Variants in SLC23A2 observed in about 807,000 individuals in gnomAD.
SLC23A2 encodes Na(+)/L-ascorbic acid transporter 2.
In SLC23A2, 36 loss-of-function variants were observed where a neutral mutation model predicts 73.3. That is an observed-to-expected ratio of 0.49 (90% CI 0.38 to 0.65). The LOEUF (loss-of-function observed/expected upper bound fraction) is 0.65, where lower values mean the gene tolerates loss of function less well. SLC23A2 is among the 30% of genes least tolerant of loss of function. The probability of loss-of-function intolerance (pLI) is 0.00; values close to 1 mark genes in which losing one functional copy is unlikely to be tolerated. For synonymous variants in SLC23A2, 343 were observed against 327.3 expected (o/e 1.05, Z -0.52); for missense variants, 507 against 841.6 (o/e 0.60, Z 4.92).
chr20:4,937,454 A>C (rs1371146706), intron 2 of SLC23A2, among the ~76,000 whole-genome samples: 1 of 152,208 alleles, frequency 6.6e-6, no homozygotes, highest in Non-Finnish European at 1.5e-5. Flanking sequence ...CATGATGGCG[A>C]CAATGGCAGT....
At chr20:4,893,166 C>T (rs918066389) in intron 6 of SLC23A2, among the ~76,000 whole-genome samples, 12 of 151,680 alleles carry the variant, frequency 7.9e-5, no homozygotes, top group Admixed American at 2.0e-4. Flanking sequence ...TGGGCTCAAG[C>T]GACCCTCCCA....
intron 2 of SLC23A2, among the ~76,000 whole-genome samples, chr20:4,935,623 C>T (rs1222883878): frequency 2.0e-5 from 3 of 151,992 alleles, no homozygotes; most frequent in Non-Finnish European, 4.4e-5. Context: ...ATGGTGAAAT[C>T]CCATCTCAAC....
chr20:4,989,430 C>A (rs1047920579), intron 1 of SLC23A2, among the ~76,000 whole-genome samples: 1 of 151,788 alleles, frequency 6.6e-6, no homozygotes, highest in Non-Finnish European at 1.5e-5. Flanking sequence ...AGAATGGGAC[C>A]GAAGTCTGAA....
intron 1 of SLC23A2, among the ~76,000 whole-genome samples, chr20:4,996,685 C>CAAAAAAAAAA (rs1555809857): frequency 1.1e-4 from 6 of 54,770 alleles, no homozygotes; most frequent in Non-Finnish European, 2.1e-4. Context: ...GATTCCATCT[C>CAAAAAAAAAA]AAAAAAAAAA....
chr20:4,926,510 CT>C (rs3055953), intron 3 of SLC23A2, among the ~76,000 whole-genome samples: 34,500 of 104,924 alleles, frequency 0.33, 4,885 homozygotes, highest in East Asian at 0.57. Context: ...ATTTTTTTTG[CT>C]TTTTTTTTTT....
At chr20:4,965,136 C>A (rs960678977) in intron 2 of SLC23A2, among the ~76,000 whole-genome samples, 1 of 152,078 alleles carries the variant, frequency 6.6e-6, no homozygotes, top group Non-Finnish European at 1.5e-5. Flanking sequence ...AAAAAACACC[C>A]TATTGATATA....
chr20:4,884,228 T>C (rs930582454), intron 8 of SLC23A2, among the ~76,000 whole-genome samples: 1 of 152,256 alleles, frequency 6.6e-6, no homozygotes, highest in Non-Finnish European at 1.5e-5. Context: ...ACAGAAATTC[T>C]AAAGGGATGT....
At chr20:4,921,559 C>A (rs1165434546) in intron 3 of SLC23A2, among the ~76,000 whole-genome samples, 1 of 150,292 alleles carries the variant, frequency 6.7e-6, no homozygotes, top group Non-Finnish European at 1.5e-5. Context: ...GCACTCCAGC[C>A]TGGGTGACAG....
intron 3 of SLC23A2, among the ~76,000 whole-genome samples, chr20:4,920,957 G>A (rs559291736): frequency 6.6e-6 from 1 of 152,204 alleles, no homozygotes; most frequent in South Asian, 2.1e-4. Context: ...AAAGGGGCTA[G>A]GGAGAAGAAT....
chr20:4,942,903 G>A (rs371039637), intron 2 of SLC23A2, among the ~76,000 whole-genome samples: 4 of 152,124 alleles, frequency 2.6e-5, no homozygotes, highest in South Asian at 4.2e-4. Flanking sequence ...CTAATAGTCT[G>A]CCCAAAGAGT....
chr20:4,902,404 C>A lies in SLC23A2; in HGVS notation c.324+38G>T. 8.8e-7 allele frequency: 1 copy of A among 1,130,952 alleles called. No individual in the cohort carries two copies. The highest frequency in any genetic ancestry group is 1.4e-5 in the South Asian group (1 of 73,846). 70.1% of individuals were successfully genotyped at this position (1,130,952 alleles called of 1,614,324 possible). A position where few individuals can be genotyped will look rare whatever the true frequency, so the allele number is the denominator to read the frequency against. ...TTCCAGATGGTAGACAATGCAAACA[C>A]CTGCTGGTAGTTACACATCCTACAG... On this transcript the variant is annotated intron_variant, in intron 5 of 16. Coordinates refer to ENST00000338244, the MANE Select transcript of SLC23A2 (RefSeq NM_005116.6). The surrounding 1 kb of genome is among the most constrained non-coding windows in gnomAD (Gnocchi z 4.0).
At chr20:4,986,383 G>C (rs1475567407) in intron 1 of SLC23A2, among the ~76,000 whole-genome samples, 1 of 152,056 alleles carries the variant, frequency 6.6e-6, no homozygotes, top group East Asian at 1.9e-4. Flanking sequence ...GCACGATCTC[G>C]GCTCACTACA....
chr20:4,883,975 C>T lies in SLC23A2; in HGVS notation c.643-152G>A, dbSNP rs1328650235. 1.8e-5 allele frequency: 10 copies of T among 556,966 alleles called. No homozygotes were observed. The highest frequency in any genetic ancestry group is 9.7e-5 in the East Asian group (3 of 30,890). 34.5% of individuals were successfully genotyped at this position (556,966 alleles called of 1,614,324 possible). A position where few individuals can be genotyped will look rare whatever the true frequency, so the allele number is the denominator to read the frequency against. On this transcript the variant is annotated intron_variant, in intron 8 of 16. Coordinates refer to ENST00000338244, the MANE Select transcript of SLC23A2 (RefSeq NM_005116.6). This position sits in a 1 kb window ranked among gnomAD's most constrained non-coding sequence, Gnocchi z 4.5. ...GATAGCTAGAAAATTCCCCAGGACC[C>T]GACAAGAAACTTCAGGGGGCACTAA...
intron 2 of SLC23A2, among the ~76,000 whole-genome samples, chr20:4,949,287 CAAAAA>C (rs570455717): frequency 1.7e-5 from 1 of 57,952 alleles, no homozygotes; most frequent in African/African-American, 6.4e-5. Flanking sequence ...GACTCCATCT[CAAAAA>C]AAAAAAAAAA....
intron 1 of SLC23A2, among the ~76,000 whole-genome samples, chr20:4,995,761 T>A (rs908088327): frequency 6.6e-6 from 1 of 152,160 alleles, no homozygotes. Flanking sequence ...GGCAAGAAGC[T>A]GCCCTCCTGC....
At chr20:4,860,822 CT>C (rs199984260) in intron 15 of SLC23A2, among the ~76,000 whole-genome samples, 2,044 of 152,310 alleles carry the variant, frequency 0.013, 47 homozygotes, top group African/African-American at 0.046. Flanking sequence ...AGGTGGATCA[CT>C]TGAGGTCAGG....
intron 9 of SLC23A2, among the ~76,000 whole-genome samples, chr20:4,882,212 T>C (rs2122825430): frequency 1.3e-5 from 2 of 152,102 alleles, no homozygotes; most frequent in East Asian, 3.9e-4. Context: ...CCGTCTCTAC[T>C]AAAAATACAA....
At chr20:4,907,508 T>C (rs898119586) in intron 4 of SLC23A2, among the ~76,000 whole-genome samples, 15 of 151,680 alleles carry the variant, frequency 9.9e-5, no homozygotes, top group African/African-American at 3.4e-4. Flanking sequence ...TTCAGAAAAA[T>C]AAAGTTACTT....
chr20:4,975,361 C>G (rs922215312), intron 1 of SLC23A2, among the ~76,000 whole-genome samples: 1 of 152,020 alleles, frequency 6.6e-6, no homozygotes, highest in Non-Finnish European at 1.5e-5. Context: ...ACCTCACTTG[C>G]CATTCCTAGA....
Sources: gnomAD v4.1 joint callset for allele counts (sites outside exome capture counted in the v4.1 genomes callset) on GRCh38, gnomAD v4.1.1 for gene constraint, Gnocchi (gnomAD v3.1) non-coding constraint, MANE v1.5 for transcripts, NCBI Gene and HGNC (gene_info 2026-07-23, HGNC 2026-07-21) for gene names.